PRR14L: variants seen among roughly 807,000 people sequenced by gnomAD.
PRR14L encodes protein PRR14L.
A neutral mutation model predicts 155.0 loss-of-function variants in PRR14L; 80 were observed. That is an observed-to-expected ratio of 0.52 (90% CI 0.43 to 0.62). PRR14L has a LOEUF of 0.62. PRR14L is among the 20% of genes least tolerant of loss of function. The pLI is 0.00. For missense variants in PRR14L, 2,469 were observed against 2,548.0 expected (o/e 0.97, Z 0.67); for synonymous variants, 883 against 916.0 (o/e 0.96, Z 0.65).
intron 5 of PRR14L, 122 bp from the exon 6 acceptor site, chr22:31,703,843 A>G: frequency 1.7e-6 from 1 of 591,720 alleles, no homozygotes. Flanking sequence ...TGTTGCCCAG[A>G]CTGGAGTGCA....
rs1199595205 is a variant in PRR14L, at chr22:31,712,764, G to T, written c.5075C>A (p.Ser1692Tyr). The T allele has an allele frequency of 6.4e-7, 1 of 1,551,922 alleles. No homozygotes were observed. The highest frequency in any genetic ancestry group is 8.7e-7 in the Non-Finnish European group (1 of 1,147,052). The change falls in exon 4 of 9, where the codon TCT becomes TAT. Residue 1692 changes from serine to tyrosine, a missense_variant. By Grantham distance (144) the Ser-to-Tyr change is moderately radical. Transcript: ENST00000327423. ...GAAGGTCATCTTGATGGATTCGAGAGAATAAAGTGCCATGGGCTTACTGTT... is the reference window on the plus strand; with the variant it reads ...GAAGGTCATCTTGATGGATTCGAGATAATAAAGTGCCATGGGCTTACTGTT... ...RPNSKPMALY[S>Y]LESIKMTFID... is the part of the protein sequence containing the mutation.
At chr22:31,730,212 G>T (rs544488244) in intron 2 of PRR14L, among the ~76,000 whole-genome samples, 2 of 152,112 alleles carry the variant, frequency 1.3e-5, no homozygotes, top group Admixed American at 6.5e-5. Flanking sequence ...GGCCAAGGCG[G>T]GTGGATCACA....
At chr22:31,704,753 A>T (rs1368486972) in intron 4 of PRR14L, 27 bp from the exon 5 acceptor site, 1 of 1,582,264 alleles carries the variant, frequency 6.3e-7, no homozygotes, top group Admixed American at 1.7e-5. Context: ...GTACAAAAGC[A>T]ATAGGTAAGG....
rs991944678 is a variant in PRR14L, at chr22:31,687,877, A to C, written c.6179+279T>G. Reference sequence around the variant, plus strand: ...AAACCCTGTCTCTACTAAAAATACAAAAAATTAGCCGGGTGTGGTGGCGGG... The same window carrying C: ...AAACCCTGTCTCTACTAAAAATACACAAAATTAGCCGGGTGTGGTGGCGGG... On this transcript the variant is annotated intron_variant, in intron 8 of 8. Transcript: ENST00000327423. 1.7e-4 allele frequency among the ~76,000 whole-genome samples: 26 copies of C among 151,578 alleles called. 1 individual carries two copies. The highest frequency in any genetic ancestry group is 6.3e-4 in the African/African-American group (26 of 41,322).
chr22:31,730,077 C>T (rs542154966), intron 2 of PRR14L, among the ~76,000 whole-genome samples: 2 of 149,470 alleles, frequency 1.3e-5, no homozygotes, highest in Non-Finnish European at 3.0e-5. Context: ...ACCCAGGAGG[C>T]AGAGGTTACA....
chr22:31,730,932 C>CA, intron 2 of PRR14L, among the ~76,000 whole-genome samples: 1 of 152,260 alleles, frequency 6.6e-6, no homozygotes, highest in Non-Finnish European at 1.5e-5. Context: ...CAGGTTGCTG[C>CA]AAAAGTAAGT....
chr22:31,749,682 G>A (rs2074861375), intron 1 of PRR14L, among the ~76,000 whole-genome samples: 1 of 152,236 alleles, frequency 6.6e-6, no homozygotes, highest in Non-Finnish European at 1.5e-5. Context: ...GTACGCCTCC[G>A]ATAAGGGGCG....
At chr22:31,731,090 T>C (rs1426456101) in intron 2 of PRR14L, among the ~76,000 whole-genome samples, 1 of 152,162 alleles carries the variant, frequency 6.6e-6, no homozygotes, top group Non-Finnish European at 1.5e-5. Context: ...CGGGCACATC[T>C]TGCGTTTTTC....
At chr22:31,685,851 C>A in intron 8 of PRR14L, 48 bp from the exon 9 acceptor site, 1 of 1,521,222 alleles carries the variant, frequency 6.6e-7, no homozygotes, top group Non-Finnish European at 8.9e-7. Context: ...CTCACATGGC[C>A]CATCCTGTCA....
At chr22:31,710,513 C>T (rs960225199) in intron 4 of PRR14L, among the ~76,000 whole-genome samples, 1 of 150,592 alleles carries the variant, frequency 6.6e-6, no homozygotes, top group African/African-American at 2.4e-5. Context: ...AGTGCCGTGG[C>T]GTGATCTCGG....
In PRR14L at chr22:31,727,375, A is replaced by T. The variant is rs141692132; in HGVS notation, c.475-1765T>A. On this transcript the variant is annotated intron_variant, in intron 2 of 8. Coordinates refer to ENST00000327423, the MANE Select transcript of PRR14L (RefSeq NM_173566.3). ...CAGCCTCCTGAGTAGCTGGGACTAC[A>T]GGTGCACGCCGCCACACCTGGTTAA... is the stretch of plus-strand genomic sequence containing the variant. Among the ~76,000 whole-genome samples, 451 of 151,912 alleles carry T rather than the reference A, an allele frequency of 3.0e-3. 2 individuals are homozygous for T. Among genetic ancestry groups the T allele is most frequent in the African/African-American group, 0.011 (440 of 41,442 alleles).
At chr22:31,704,085 C>A (rs1261391222) in intron 5 of PRR14L, among the ~76,000 whole-genome samples, 2 of 152,172 alleles carry the variant, frequency 1.3e-5, no homozygotes, top group East Asian at 3.8e-4. Flanking sequence ...GTGTGAGCCA[C>A]CACGCCCAGC....
chr22:31,746,630 G>A (rs981894643), intron 1 of PRR14L, among the ~76,000 whole-genome samples: 2 of 152,102 alleles, frequency 1.3e-5, no homozygotes, highest in African/African-American at 2.4e-5. Context: ...ACACAAATAA[G>A]TACTATATTA....
chr22:31,683,580 A>C lies in PRR14L; in HGVS notation c.*1947T>G, dbSNP rs956714818. 6.6e-5 allele frequency: 10 copies of C among 152,466 alleles called. No homozygotes were observed. The highest frequency in any genetic ancestry group is 5.8e-4 in the East Asian group (3 of 5,192). The allele number at this position is 152,466 out of a possible 1,614,324, so 9.4% of individuals were successfully genotyped here. A position where few individuals can be genotyped will look rare whatever the true frequency, so the allele number is the denominator to read the frequency against. ...TGACAGAATCTGGTTAGCATCATTC[A>C]GAGCTGGTACGGAAGCCTGGCTCTC... On this transcript the variant is annotated 3_prime_UTR_variant, in exon 9 of 9. Coordinates refer to ENST00000327423, the MANE Select transcript of PRR14L (RefSeq NM_173566.3).
chr22:31,721,065 A>T (rs2074686739), intron 3 of PRR14L, among the ~76,000 whole-genome samples: 1 of 152,258 alleles, frequency 6.6e-6, no homozygotes, highest in African/African-American at 2.4e-5. Context: ...TGTAAAATTA[A>T]CTAAACAGAA....
chr22:31,737,193 G>C lies in PRR14L; in HGVS notation c.474+1194C>G, dbSNP rs28556978. Among the ~76,000 whole-genome samples, 270 of 152,120 alleles carry C rather than the reference G, an allele frequency of 1.8e-3. 1 individual carries two copies. Among genetic ancestry groups the C allele is most frequent in the African/African-American group, 6.0e-3 (247 of 41,512 alleles). On this transcript the variant is annotated intron_variant, in intron 2 of 8. Coordinates refer to ENST00000327423, the MANE Select transcript of PRR14L (RefSeq NM_173566.3). The stretch of plus-strand genomic sequence containing the variant: ...AGGTACATTCCTTTAAGAATTTGGA[G>C]GGCCCAGCAGGGTACGGTGGCTCAC...
chr22:31,704,800 G>A, intron 4 of PRR14L, 74 bp from the exon 5 acceptor site: 1 of 1,153,728 alleles, frequency 8.7e-7, no homozygotes, highest in Non-Finnish European at 1.3e-6. Flanking sequence ...ATGTTATTGT[G>A]GGTATTAGCA....
At chr22:31,749,127 C>T (rs929373741) in intron 1 of PRR14L, among the ~76,000 whole-genome samples, 9 of 152,166 alleles carry the variant, frequency 5.9e-5, no homozygotes, top group African/African-American at 2.2e-4. Context: ...ACAAATGCTC[C>T]CTTAGCCCGC....
Position 31,702,223 on chromosome 22 carries a change from A to T in PRR14L, c.6001-461T>A, listed in dbSNP as rs372394439. Among the ~76,000 whole-genome samples, 232 of 145,476 alleles carry T rather than the reference A, an allele frequency of 1.6e-3. 3 individuals carry two copies. Among genetic ancestry groups the T allele is most frequent in the Admixed American group, 0.01 (151 of 14,570 alleles). On this transcript the variant is annotated intron_variant, in intron 6 of 8. Transcript: ENST00000327423. ...TCCCACTTCTATTCCTGCTTTTTTT[A>T]TTATTTATTTATTTTTTTGATAGAG...
Sources: allele counts gnomAD v4.1 joint callset (sites outside exome capture counted in the v4.1 genomes callset), GRCh38; gene constraint gnomAD v4.1.1; transcripts MANE v1.5; gene names NCBI Gene and HGNC (gene_info 2026-07-23, HGNC 2026-07-21).